HK3: variants seen among roughly 807,000 people sequenced by gnomAD.
HK3 encodes the protein hexokinase-3.
Under a neutral mutation model 91.0 loss-of-function variants are expected in HK3, and 93 were observed. The observed-to-expected ratio is 1.02, with a 90% CI of 0.86 to 1.21. HK3 has a LOEUF of 1.21. Among genes scored for constraint, HK3 ranks in the 50% most tolerant of loss-of-function variants. The probability of loss-of-function intolerance (pLI) is 0.00; values close to 1 mark genes in which losing one functional copy is unlikely to be tolerated. For synonymous variants in HK3, 519 were observed against 516.9 expected, an observed-to-expected ratio of 1.00 and a Z score of -0.06; for missense variants, 1,235 against 1,247.4, an observed-to-expected ratio of 0.99 and a Z score of 0.15.
intron 15 of HK3, among the ~76,000 whole-genome samples, chr5:176,882,536 G>T (rs1242691305): frequency 6.6e-6 from 1 of 152,198 alleles, no homozygotes; most frequent in African/African-American, 2.4e-5. Context: ...AAGAGCAGGG[G>T]ACACAGAGAA....
Position 176,887,370 on chromosome 5 carries a change from G to A in HK3, c.1601-33C>T, listed in dbSNP as rs566745266. 7 of 1,613,694 alleles carry A rather than the reference G, an allele frequency of 4.3e-6. No homozygotes were observed. The highest frequency in any genetic ancestry group is 5.9e-6 in the Non-Finnish European group (7 of 1,180,022). ...GGCAGAGACCCTCAGTGCCGGGATAGGGCTTGTGGCTCCAGCCCCAGCACA... is the reference window on the plus strand; with the variant it reads ...GGCAGAGACCCTCAGTGCCGGGATAAGGCTTGTGGCTCCAGCCCCAGCACA... On this transcript the variant is annotated intron_variant, in intron 11 of 18. Coordinates refer to ENST00000292432, the MANE Select transcript of HK3 (RefSeq NM_002115.3). This position sits in a 1 kb window ranked among gnomAD's most constrained non-coding sequence, Gnocchi z 4.9.
chr5:176,881,435 C>T lies in HK3; in HGVS notation c.2494G>A (p.Val832Met). The T allele has an allele frequency of 6.2e-7, 1 of 1,611,448 alleles. No individual in the cohort carries two copies. The highest frequency in any genetic ancestry group is 8.5e-7 in the Non-Finnish European group (1 of 1,180,028). The change falls in exon 18 of 19, where the codon GTG becomes ATG. Residue 832 changes from valine to methionine, a missense_variant. Val to Met is a conservative substitution (Grantham distance 21). Around this residue, in one of 3 missense-constraint regions of HK3, gnomAD observed 513 missense variants for 477.4 expected, o/e 1.07. Coordinates refer to ENST00000292432, the MANE Select transcript of HK3 (RefSeq NM_002115.3). The stretch of plus-strand genomic sequence containing the variant: ...CAGAGCTGGGCAGCCCTCTGGGACA[C>T]AGCCTGGCACACCTCTAGCACCATC... ...ALMVLEVCQA[V>M]SQRAAQLCGA...
At position 176,884,156 on chromosome 5, in the gene HK3, G is replaced by A. The variant is rs757667516; in HGVS notation, c.1858-22C>T. The A allele has an allele frequency of 1.4e-5, 23 of 1,604,326 alleles. No homozygotes were observed. The highest frequency in any genetic ancestry group is 1.7e-5 in the Non-Finnish European group (20 of 1,171,398). ...TGCCCTGGGGTGAGACCGAGAGGAAGTGGCAGGAAGCTGGAGGCCCCTTCA... is the reference window on the plus strand; with the variant it reads ...TGCCCTGGGGTGAGACCGAGAGGAAATGGCAGGAAGCTGGAGGCCCCTTCA... On this transcript the variant is annotated intron_variant, in intron 13 of 18. Transcript: ENST00000292432. This position sits in a 1 kb window ranked among gnomAD's most constrained non-coding sequence, Gnocchi z 4.1.
chr5:176,894,905 T>TC (rs1758869574), intron 2 of HK3, among the ~76,000 whole-genome samples: 2 of 147,872 alleles, frequency 1.4e-5, no homozygotes. Context: ...GCCTCCCGAG[T>TC]GGCTGGGACT....
chr5:176,887,559 C>T lies in HK3; in HGVS notation c.1492G>A (p.Ala498Thr), dbSNP rs142608480. Residue 498 changes from alanine (A) to threonine (T), a missense_variant, in exon 11 of 19, where the codon GCT (alanine) becomes ACT (threonine). Coordinates refer to ENST00000292432, the MANE Select transcript of HK3 (RefSeq NM_002115.3). The surrounding 1 kb of genome is among the most constrained non-coding windows in gnomAD (Gnocchi z 4.9). ...TTCCGCATCTGTGCCTGAACCGCAG[C>T]CAGTTGATCATGGTTCAACCGGAAT... ...APFRLNHDQL[A>T]AVQAQMRKAM... 428 of 1,613,780 alleles carry T rather than the reference C, an allele frequency of 2.7e-4. No individual in the cohort carries two copies. The highest frequency in any genetic ancestry group is 3.5e-4 in the Non-Finnish European group (418 of 1,180,014).
In HK3 at chr5:176,884,069, A is replaced by G; in HGVS notation, c.1923T>C (p.Ser641=). 1.2e-6 allele frequency: 2 copies of G among 1,613,966 alleles called. No individual in the cohort carries two copies. The highest frequency in any genetic ancestry group is 1.7e-6 in the Non-Finnish European group (2 of 1,179,984). ...ASDCEGQDVV[S]LLREAITRRQ... Reference sequence around the variant, plus strand: ...TGCGAGTGATGGCTTCCCGCAACAGACTCACGACATCTTGGCCCTCGCAGT... The same window carrying G: ...TGCGAGTGATGGCTTCCCGCAACAGGCTCACGACATCTTGGCCCTCGCAGT... The change falls in exon 14 of 19, where the codon AGT becomes AGC. Residue 641 remains serine, a synonymous_variant. Transcript: ENST00000292432. The surrounding 1 kb of genome is among the most constrained non-coding windows in gnomAD (Gnocchi z 4.1).
Position 176,890,699 on chromosome 5 carries a change from C to T in HK3, c.566G>A (p.Arg189Lys). Residue 189 changes from arginine to lysine, a missense_variant, in exon 6 of 19, where the codon AGG becomes AAG. By Grantham distance (26) the Arg-to-Lys change is conservative (BLOSUM62 2). Coordinates refer to ENST00000292432, the MANE Select transcript of HK3 (RefSeq NM_002115.3). Reference sequence around the variant, plus strand: ...ATCCTGGCCTTCCACACCACTGCACCTAAAACCTTTGGTCCAGGAAATGAG... The same window carrying T: ...ATCCTGGCCTTCCACACCACTGCACTTAAAACCTTTGGTCCAGGAAATGAG... ...STLISWTKGF[R>K]CSGVEGQDVV... 6.2e-7 allele frequency: 1 copy of T among 1,614,192 alleles called. No individual in the cohort carries two copies. Among genetic ancestry groups the T allele is most frequent in the Non-Finnish European group, 8.5e-7 (1 of 1,180,030 alleles).
chr5:176,890,991 C>T, intron 4 of HK3, 46 bp downstream of exon 4: 1 of 1,613,870 alleles, frequency 6.2e-7, no homozygotes, highest in Non-Finnish European at 8.5e-7. Flanking sequence ...GCCCTAGCCA[C>T]CCAGCCAGGC....
In HK3 at chr5:176,881,474, AGG is replaced by A; in HGVS notation, c.2453_2454del (p.Thr818IlefsTer3). Reference protein sequence around the residue: ...AILEDLGLPLTSDDALMVLEV... With the variant: ...AILEDLGLPLXSDDALMVLEV... The stretch of plus-strand genomic sequence containing the variant: ...TCTAGCACCATCAGGGCGTCATCTG[AGG>A]TCAGGGGTAGCCCCAGATCCTCTAG... On this transcript the variant is annotated frameshift_variant, in exon 18 of 19. Transcript: ENST00000292432. LOFTEE classifies it high-confidence loss of function. 1 of 1,608,320 alleles carries A rather than the reference AGG, an allele frequency of 6.2e-7. No individual in the cohort carries two copies. Among genetic ancestry groups the A allele is most frequent in the Non-Finnish European group, 8.5e-7 (1 of 1,179,978 alleles).
Position 176,888,702 on chromosome 5 carries a change from G to A in HK3, c.1070+7C>T, listed in dbSNP as rs200057912. On this transcript the variant is annotated splice_region_variant and intron_variant, in intron 9 of 18. Transcript: ENST00000292432. ...TCCCCCACTAAACCACCATCTCCCC[G>A]ACTCACTCCTCCATCTCAGCCACGT... 271 of 1,614,076 alleles carry A rather than the reference G, an allele frequency of 1.7e-4. 2 individuals carry two copies. The South Asian group carries it at 2.0e-3, about 12-fold the overall frequency.
At chr5:176,890,783 C>G in intron 5 of HK3, 39 bp downstream of exon 5, 1 of 1,614,178 alleles carries the variant, frequency 6.2e-7, no homozygotes, top group South Asian at 1.1e-5. Flanking sequence ...GGGGCTGCAG[C>G]CACCCTCTAC....
chr5:176,894,570 G>C (rs2149378111), intron 2 of HK3, among the ~76,000 whole-genome samples: 1 of 152,268 alleles, frequency 6.6e-6, no homozygotes, highest in Non-Finnish European at 1.5e-5. Flanking sequence ...ACGGCTGTGG[G>C]TCAGGCACAG....
chr5:176,885,933 C>CA (rs1270755770), intron 13 of HK3, among the ~76,000 whole-genome samples: 1 of 152,040 alleles, frequency 6.6e-6, no homozygotes, highest in Non-Finnish European at 1.5e-5. Flanking sequence ...TAAAAGAAAG[C>CA]AGAGTACAGA....
intron 13 of HK3, among the ~76,000 whole-genome samples, chr5:176,886,027 A>G (rs1431062644): frequency 6.6e-6 from 1 of 151,992 alleles, no homozygotes; most frequent in African/African-American, 2.4e-5. Flanking sequence ...ACCTGAGATC[A>G]GGATTTCTAG....
rs114854039 is a variant in HK3 at position 176,891,256 on chromosome 5, C to T, written c.260-65G>A. 9.9e-6 allele frequency: 16 copies of T among 1,612,906 alleles called. No homozygotes were observed. In the African/African-American group the frequency reaches 2.0e-4, roughly 20 times the overall value. ...AAGACCAGAGCCCTCTGCCCACTTC[C>T]CAAATTCCTAAGGCCTGCAAAGTCT... On this transcript the variant is annotated intron_variant, in intron 3 of 18. Transcript: ENST00000292432.
At chr5:176,890,784 C>G (rs1043666794) in intron 5 of HK3, 38 bp downstream of exon 5, 6 of 1,614,078 alleles carry the variant, frequency 3.7e-6, no homozygotes, top group Non-Finnish European at 5.1e-6. Context: ...GGGCTGCAGC[C>G]ACCCTCTACC....
chr5:176,886,577 A>T (rs1415042508), intron 13 of HK3, among the ~76,000 whole-genome samples: 1 of 151,792 alleles, frequency 6.6e-6, no homozygotes, highest in Admixed American at 6.6e-5. Context: ...TGTGCCTGGC[A>T]CTCTGCCACC....
chr5:176,884,084 G>A lies in HK3; in HGVS notation c.1908C>T (p.Gly636=). ...TKGFKASDCE[G]QDVVSLLREA... ...CCCGCAACAGACTCACGACATCTTGGCCCTCGCAGTCTGATGCCTTGAAAC... is the reference window on the plus strand; with the variant it reads ...CCCGCAACAGACTCACGACATCTTGACCCTCGCAGTCTGATGCCTTGAAAC... The change falls in exon 14 of 19, where the codon GGC becomes GGT. Residue 636 remains glycine, a synonymous_variant. Transcript: ENST00000292432. The surrounding 1 kb of genome is among the most constrained non-coding windows in gnomAD (Gnocchi z 4.1). 1 of 1,614,128 alleles carries A rather than the reference G, an allele frequency of 6.2e-7. No individual in the cohort carries two copies. The highest frequency in any genetic ancestry group is 8.5e-7 in the Non-Finnish European group (1 of 1,180,038).
chr5:176,892,520 A>G (rs1025202239), intron 2 of HK3, among the ~76,000 whole-genome samples: 1 of 152,080 alleles, frequency 6.6e-6, no homozygotes, highest in African/African-American at 2.4e-5. Context: ...CAGGGACCTC[A>G]TCCCTGTGAG....
Sources: allele counts gnomAD v4.1 joint callset (sites outside exome capture counted in the v4.1 genomes callset), GRCh38; gene constraint gnomAD v4.1.1; regional missense constraint gnomAD v4.1.1; non-coding constraint Gnocchi (gnomAD v3.1); transcripts MANE v1.5; gene names NCBI Gene and HGNC (gene_info 2026-07-23, HGNC 2026-07-21).